The following IGSF21 variants were observed in gnomAD, a reference collection of about 807,000 sequenced individuals.
IGSF21 encodes the protein immunoglobin superfamily member 21, also known as immunoglobulin superfamily member 21.
Under a neutral mutation model 46.8 loss-of-function variants are expected in IGSF21, and 28 were observed. The observed-to-expected ratio is 0.60, with a 90% CI of 0.44 to 0.82. The LOEUF (loss-of-function observed/expected upper bound fraction) is 0.82. Ranked by LOEUF, IGSF21 falls within the 40% of genes least tolerant of loss-of-function variation. The pLI is 0.00. For missense variants in IGSF21, 624 were observed against 665.5 expected (o/e 0.94, Z 0.69); for synonymous variants, 284 against 273.6 (o/e 1.04, Z -0.38).
Position 18,334,480 on chromosome 1 carries a change from G to A in IGSF21, c.306-412G>A, listed in dbSNP as rs1008266620. ...GGAATATGGACCCTATGTGGAGGCC[G>A]TCATGAGGAAAGAGGGAGCCGATGC... On this transcript the variant is annotated intron_variant, in intron 3 of 9. Transcript: ENST00000251296. The surrounding 1 kb of genome is among the most constrained non-coding windows in gnomAD (Gnocchi z 4.3). Among the ~76,000 whole-genome samples, 2 of 152,128 alleles carry A rather than the reference G, an allele frequency of 1.3e-5. No homozygotes were observed. Among genetic ancestry groups the A allele is most frequent in the Admixed American group, 6.5e-5 (1 of 15,272 alleles).
intron 2 of IGSF21, among the ~76,000 whole-genome samples, chr1:18,279,555 G>T (rs1041975564): frequency 6.6e-6 from 1 of 152,160 alleles, no homozygotes; most frequent in Non-Finnish European, 1.5e-5. Flanking sequence ...TTTAACAGAT[G>T]GGGGAGCCAA....
chr1:18,362,268 C>G, intron 5 of IGSF21, 38 bp downstream of exon 5: 1 of 1,432,984 alleles, frequency 7.0e-7, no homozygotes, highest in Non-Finnish European at 9.7e-7. Context: ...TTCCTATCTG[C>G]CGGACCACCC....
intron 4 of IGSF21, among the ~76,000 whole-genome samples, chr1:18,340,090 C>T (rs1026099868): frequency 4.6e-5 from 7 of 152,168 alleles, no homozygotes; most frequent in African/African-American, 7.2e-5. Flanking sequence ...TGGATGCCCA[C>T]GTACATGGAC....
intron 1 of IGSF21, among the ~76,000 whole-genome samples, chr1:18,161,764 C>G (rs2086625818): frequency 6.6e-6 from 1 of 152,064 alleles, no homozygotes; most frequent in South Asian, 2.1e-4. Flanking sequence ...GGGAGGAGGC[C>G]AAATATTTAT....
chr1:18,120,385 G>C (rs562201131), intron 1 of IGSF21, among the ~76,000 whole-genome samples: 31 of 152,274 alleles, frequency 2.0e-4, no homozygotes, highest in African/African-American at 6.7e-4. Context: ...CCTGCCTTTG[G>C]GTCCCTTGAT....
chr1:18,207,256 T>G (rs1268336649), intron 1 of IGSF21, among the ~76,000 whole-genome samples: 1 of 152,192 alleles, frequency 6.6e-6, no homozygotes, highest in Non-Finnish European at 1.5e-5. Flanking sequence ...GGGAGAAAAC[T>G]TCCCACTTTT....
chr1:18,150,634 C>T (rs1180156459), intron 1 of IGSF21, among the ~76,000 whole-genome samples: 1 of 152,188 alleles, frequency 6.6e-6, no homozygotes. Context: ...AGGAAGTCCA[C>T]ATACATTTGA....
chr1:18,153,235 T>G (rs1342035128), intron 1 of IGSF21, among the ~76,000 whole-genome samples: 1 of 152,218 alleles, frequency 6.6e-6, no homozygotes, highest in Non-Finnish European at 1.5e-5. Flanking sequence ...GGGCGTTGCT[T>G]CAGCTTCACT....
At chr1:18,157,215 C>A (rs1326698946) in intron 1 of IGSF21, among the ~76,000 whole-genome samples, 1 of 152,216 alleles carries the variant, frequency 6.6e-6, no homozygotes, top group Non-Finnish European at 1.5e-5. Context: ...GTCCAGGGCC[C>A]CAGACTCCCT....
intron 1 of IGSF21, among the ~76,000 whole-genome samples, chr1:18,155,248 C>G (rs4920298): frequency 0.11 from 16,174 of 152,160 alleles, 1,122 homozygotes; most frequent in Non-Finnish European, 0.15. Context: ...CACCTGGCAC[C>G]CAGCACGGGA....
chr1:18,138,594 G>A (rs769317778), intron 1 of IGSF21, among the ~76,000 whole-genome samples: 115 of 152,286 alleles, frequency 7.6e-4, no homozygotes, highest in South Asian at 3.3e-3. Flanking sequence ...TGAGGGAACC[G>A]CTGACAGGCA....
intron 2 of IGSF21, among the ~76,000 whole-genome samples, chr1:18,230,125 T>C (rs2084609460): frequency 6.6e-6 from 1 of 152,218 alleles, no homozygotes; most frequent in Non-Finnish European, 1.5e-5. Flanking sequence ...GCTGGAGTTA[T>C]GGGCAATGCT....
intron 1 of IGSF21, among the ~76,000 whole-genome samples, chr1:18,199,742 C>A (rs1241841972): frequency 6.6e-6 from 1 of 152,098 alleles, no homozygotes; most frequent in Admixed American, 6.5e-5. Flanking sequence ...TTTATTTAAT[C>A]GCTTCCATTG....
chr1:18,144,802 T>C (rs16861635), intron 1 of IGSF21, among the ~76,000 whole-genome samples: 10,859 of 152,228 alleles, frequency 0.071, 573 homozygotes, highest in African/African-American at 0.14. Context: ...AGATTCCTGC[T>C]GGGGCCCTTG....
intron 1 of IGSF21, among the ~76,000 whole-genome samples, chr1:18,178,095 G>A (rs2124466453): frequency 6.6e-6 from 1 of 152,232 alleles, no homozygotes; most frequent in Non-Finnish European, 1.5e-5. Context: ...CGGGGAAGTG[G>A]GGAGAGAGAG....
chr1:18,374,849 C>G (rs191054859), intron 6 of IGSF21, among the ~76,000 whole-genome samples: 1 of 152,128 alleles, frequency 6.6e-6, no homozygotes, highest in African/African-American at 2.4e-5. Context: ...TCAGGACAAA[C>G]CTTTTCCACC....
intron 1 of IGSF21, among the ~76,000 whole-genome samples, chr1:18,211,597 G>T (rs2124412): frequency 0.96 from 145,511 of 152,318 alleles, 69,841 homozygotes; most frequent in East Asian, 1. Flanking sequence ...CAATTAATTC[G>T]TATGTGCTAA....
intron 1 of IGSF21, among the ~76,000 whole-genome samples, chr1:18,153,896 A>C (rs1423241540): frequency 6.6e-6 from 1 of 152,158 alleles, no homozygotes; most frequent in Non-Finnish European, 1.5e-5. Flanking sequence ...GGAACCCCTC[A>C]TGCAGCCCTG....
chr1:18,317,685 C>G (rs2085556768), intron 3 of IGSF21, among the ~76,000 whole-genome samples: 1 of 152,162 alleles, frequency 6.6e-6, no homozygotes, highest in African/African-American at 2.4e-5. Flanking sequence ...ACATTCATAC[C>G]CAGGCCTCTC....
Sources: gnomAD v4.1 joint callset for allele counts (sites outside exome capture counted in the v4.1 genomes callset) on GRCh38, gnomAD v4.1.1 for gene constraint, Gnocchi (gnomAD v3.1) non-coding constraint, MANE v1.5 for transcripts, NCBI Gene and HGNC (gene_info 2026-07-23, HGNC 2026-07-21) for gene names.